The following PFKFB4 variants were observed in gnomAD, a reference collection of about 807,000 sequenced individuals.
PFKFB4 encodes the protein 6-phosphofructo-2-kinase/fructose-2,6-bisphosphatase 4.
A neutral mutation model predicts 62.8 loss-of-function variants in PFKFB4; 42 were observed. The observed-to-expected ratio is 0.67, with a 90% CI of 0.52 to 0.86. The LOEUF is 0.86. Ranked by LOEUF, PFKFB4 falls within the 40% of genes least tolerant of loss-of-function variation. The probability of loss-of-function intolerance (pLI) is 0.00; values close to 1 mark genes in which losing one functional copy is unlikely to be tolerated. For missense variants in PFKFB4, 475 were observed against 627.2 expected, an observed-to-expected ratio of 0.76 and a Z score of 2.59; for synonymous variants, 204 against 240.7, an observed-to-expected ratio of 0.85 and a Z score of 1.41.
At chr3:48,535,197 A>G (rs1390170545) in intron 9 of PFKFB4, among the ~76,000 whole-genome samples, 1 of 152,174 alleles carries the variant, frequency 6.6e-6, no homozygotes, top group Non-Finnish European at 1.5e-5. Flanking sequence ...GGCTGACTGC[A>G]GCTACCAAGC....
chr3:48,555,603 G>C (rs1401883998), intron 1 of PFKFB4, among the ~76,000 whole-genome samples: 1 of 151,994 alleles, frequency 6.6e-6, no homozygotes, highest in Non-Finnish European at 1.5e-5. Context: ...TCTTTTCCTG[G>C]TAATAAAAAA....
chr3:48,527,792 A>T (rs1029398804), intron 9 of PFKFB4, among the ~76,000 whole-genome samples: 1 of 151,538 alleles, frequency 6.6e-6, no homozygotes, highest in African/African-American at 2.4e-5. Context: ...TGTTTAAACA[A>T]TTCTCCTGCC....
Position 48,549,947 on chromosome 3 carries a change from G to A in PFKFB4, c.228C>T (p.Gly76=), listed in dbSNP as rs2043081923. The A allele has an allele frequency of 6.2e-7, 1 of 1,612,310 alleles. No homozygotes were observed. Among genetic ancestry groups the A allele is most frequent in the Non-Finnish European group, 8.5e-7 (1 of 1,178,482 alleles). The change falls in exon 3 of 14, where the codon GGC becomes GGT. Residue 76 remains glycine, a synonymous_variant. Transcript: ENST00000232375. ...IGVPTREFNV[G]QYRRDVVKTY... Reference sequence around the variant, plus strand: ...TCTTGACCACGTCCCGGCGATACTGGCCAACATTGAACTCTGGAGGGAAGG... The same window carrying A: ...TCTTGACCACGTCCCGGCGATACTGACCAACATTGAACTCTGGAGGGAAGG...
chr3:48,534,903 G>C (rs2042543515), intron 9 of PFKFB4, among the ~76,000 whole-genome samples: 1 of 151,862 alleles, frequency 6.6e-6, no homozygotes, highest in Non-Finnish European at 1.5e-5. Flanking sequence ...CTGTCTCCTG[G>C]GTTCAAGCAA....
rs1257655292 is a variant in PFKFB4 at position 48,521,479 on chromosome 3, T to A, written c.1350+507A>T. 6.6e-6 allele frequency among the ~76,000 whole-genome samples: 1 copy of A among 152,198 alleles called. No individual in the cohort carries two copies. The highest frequency in any genetic ancestry group is 1.5e-5 in the Non-Finnish European group (1 of 68,022). Reference sequence around the variant, plus strand: ...TGCTGAGGCCCCTTCAGTATCTGCATGGCCCTTTCCCCAAAAGTACATGAT... The same window carrying A: ...TGCTGAGGCCCCTTCAGTATCTGCAAGGCCCTTTCCCCAAAAGTACATGAT... On this transcript the variant is annotated intron_variant, in intron 13 of 13. Coordinates refer to ENST00000232375, the MANE Select transcript of PFKFB4 (RefSeq NM_004567.4). This position sits in a 1 kb window ranked among gnomAD's most constrained non-coding sequence, Gnocchi z 5.3.
intron 10 of PFKFB4, among the ~76,000 whole-genome samples, chr3:48,525,147 G>A (rs1332135237): frequency 3.3e-5 from 5 of 152,166 alleles, no homozygotes; most frequent in African/African-American, 9.7e-5. Flanking sequence ...CCCCGGAAAG[G>A]GCTGACAACT....
In PFKFB4 at chr3:48,546,288, C is replaced by A. The variant is rs904489145; in HGVS notation, c.312-2642G>T. ...TGTGCACACAGGATGTGTGTGCATG[C>A]ACCCATGTGTATAAGTTTGTGTGTG... On this transcript the variant is annotated intron_variant, in intron 3 of 13. Coordinates refer to ENST00000232375, the MANE Select transcript of PFKFB4 (RefSeq NM_004567.4). Among the ~76,000 whole-genome samples the A allele has an allele frequency of 2.6e-5, 4 of 152,024 alleles. No homozygotes were observed. The East Asian group carries it at 7.7e-4, about 29-fold the overall frequency.
intron 3 of PFKFB4, among the ~76,000 whole-genome samples, chr3:48,549,503 C>CGACAT (rs148808451): frequency 9.2e-4 from 140 of 151,912 alleles, no homozygotes; most frequent in African/African-American, 3.3e-3. Context: ...GCAGCTCCAA[C>CGACAT]GACCTGCATG....
At chr3:48,562,689 G>C, upstream of PFKFB4, 1 of 1,213,628 alleles carries the variant, frequency 8.2e-7, no homozygotes, top group Non-Finnish European at 1.1e-6. The surrounding 1 kb of genome is among the most constrained non-coding windows in gnomAD (Gnocchi z 4.3). Context: ...TCCAGACACT[G>C]TATGCCCAGA....
upstream of PFKFB4, among the ~76,000 whole-genome samples, chr3:48,560,681 A>G (rs1167951625): frequency 2.6e-5 from 4 of 152,238 alleles, no homozygotes; most frequent in African/African-American, 9.6e-5. Context: ...AAGCCACATC[A>G]TGTGAAACCC....
chr3:48,556,779 C>T lies in PFKFB4; in HGVS notation c.-2G>A, dbSNP rs1227603835. 1.2e-6 allele frequency: 2 copies of T among 1,600,728 alleles called. No individual in the cohort carries two copies. ...TGTCAATTCCCGTGGGGACGCCATC[C>T]CGGGGCCGGGATGAGTCGGACTGCG... is the stretch of plus-strand genomic sequence containing the variant. On this transcript the variant is annotated 5_prime_UTR_variant, in exon 1 of 14. Coordinates refer to ENST00000232375, the MANE Select transcript of PFKFB4 (RefSeq NM_004567.4). This position sits in a 1 kb window ranked among gnomAD's most constrained non-coding sequence, Gnocchi z 5.7.
In PFKFB4 at chr3:48,535,549, G is replaced by T. The variant is rs773605837; in HGVS notation, c.950C>A (p.Pro317His). Residue 317 changes from proline to histidine, a missense_variant, in exon 9 of 14, where the codon CCC becomes CAC. Pro to His is a moderately conservative substitution (Grantham distance 77, BLOSUM62 -2). Coordinates refer to ENST00000232375, the MANE Select transcript of PFKFB4 (RefSeq NM_004567.4). ...TIQTAEALGV[P>H]YEQWKVLNEI... ...GTTGAGGACCTTCCACTGTTCATAG[G>T]GCACACCCAGTGCCTCAGCCGTCTG... 1 of 1,614,136 alleles carries T rather than the reference G, an allele frequency of 6.2e-7. No individual in the cohort carries two copies. Among genetic ancestry groups the T allele is most frequent in the South Asian group, 1.1e-5 (1 of 91,074 alleles).
intron 10 of PFKFB4, among the ~76,000 whole-genome samples, chr3:48,524,515 A>G (rs1301322320): frequency 6.6e-6 from 1 of 152,256 alleles, no homozygotes; most frequent in East Asian, 1.9e-4. Flanking sequence ...AGTTCTGAGA[A>G]AATCCTAGAC....
At chr3:48,546,934 C>T (rs945110370) in intron 3 of PFKFB4, among the ~76,000 whole-genome samples, 1 of 152,182 alleles carries the variant, frequency 6.6e-6, no homozygotes, top group African/African-American at 2.4e-5. Flanking sequence ...TGTGTGACTC[C>T]ATGAGGAGAA....
intron 3 of PFKFB4, among the ~76,000 whole-genome samples, chr3:48,547,274 A>G (rs1272231771): frequency 1.3e-5 from 2 of 152,144 alleles, no homozygotes; most frequent in African/African-American, 4.8e-5. Context: ...ACCCTTATGT[A>G]TAACGTGACT....
At chr3:48,544,851 G>C (rs951394762) in intron 3 of PFKFB4, among the ~76,000 whole-genome samples, 2 of 151,720 alleles carry the variant, frequency 1.3e-5, no homozygotes, top group Admixed American at 1.3e-4. Context: ...AGCCACCCAA[G>C]TACCAGGGAT....
intron 3 of PFKFB4, among the ~76,000 whole-genome samples, chr3:48,545,746 T>C (rs1039929653): frequency 2.0e-4 from 31 of 152,076 alleles, no homozygotes; most frequent in African/African-American, 7.2e-4. Context: ...GGATTACACA[T>C]GTGAGCTACT....
chr3:48,525,475 GC>G, intron 10 of PFKFB4, 89 bp downstream of exon 10: 1 of 632,632 alleles, frequency 1.6e-6, no homozygotes. Flanking sequence ...TACCCACGCA[GC>G]CCCTGCAGAG....
At chr3:48,538,429 G>A (rs2042693320) in intron 7 of PFKFB4, 69 bp downstream of exon 7, 2 of 1,583,916 alleles carry the variant, frequency 1.3e-6, no homozygotes, top group Non-Finnish European at 1.7e-6. Flanking sequence ...GGGAGCCATA[G>A]GAGGCAGCCA....
Sources: allele counts gnomAD v4.1 joint callset (sites outside exome capture counted in the v4.1 genomes callset), GRCh38; gene constraint gnomAD v4.1.1; non-coding constraint Gnocchi (gnomAD v3.1); transcripts MANE v1.5; gene names NCBI Gene and HGNC (gene_info 2026-07-23, HGNC 2026-07-21).